ATE1: variants seen among roughly 807,000 people sequenced by gnomAD.
ATE1 encodes the protein arginyltransferase 1.
ATE1 carries 36 observed loss-of-function variants against 70.5 expected under a neutral mutation model. The observed-to-expected ratio is 0.51, with a 90% confidence interval of 0.39 to 0.67. ATE1 has a LOEUF of 0.67. Ranked by LOEUF, ATE1 falls within the 30% of genes least tolerant of loss-of-function variation. ATE1 has a pLI of 0.00. For missense variants in ATE1, 593 were observed against 629.5 expected, an observed-to-expected ratio of 0.94 and a Z score of 0.62; for synonymous variants, 232 against 219.3, an observed-to-expected ratio of 1.06 and a Z score of -0.51.
intron 11 of ATE1, among the ~76,000 whole-genome samples, chr10:121,745,440 GGT>G (rs1186326999): frequency 7.9e-5 from 12 of 152,182 alleles, no homozygotes; most frequent in Admixed American, 2.6e-4. Context: ...CCACAGGCGG[GGT>G]GCAGTGGCTC....
At chr10:121,925,755 G>A (rs1205034489) in intron 1 of ATE1, among the ~76,000 whole-genome samples, 3 of 152,036 alleles carry the variant, frequency 2.0e-5, no homozygotes, top group Non-Finnish European at 1.5e-5. Flanking sequence ...TGTGGCCTGT[G>A]CCTGTGGTCC....
chr10:121,920,931 T>C (rs1590734616), intron 3 of ATE1, among the ~76,000 whole-genome samples: 1 of 151,676 alleles, frequency 6.6e-6, no homozygotes. Flanking sequence ...GAGGCAGAGG[T>C]TGCAGTGAGC....
chr10:121,820,158 T>A (rs908146638), intron 10 of ATE1, among the ~76,000 whole-genome samples: 4 of 150,696 alleles, frequency 2.7e-5, no homozygotes, highest in African/African-American at 7.4e-5. Context: ...TAAACAAAAA[T>A]AAATAAATAA....
intron 3 of ATE1, among the ~76,000 whole-genome samples, chr10:121,921,627 G>A (rs1951884788): frequency 6.6e-6 from 1 of 151,992 alleles, no homozygotes; most frequent in Non-Finnish European, 1.5e-5. Flanking sequence ...AGCTGCCTGG[G>A]CACCATAGTG....
chr10:121,847,709 G>T (rs1309166086), intron 8 of ATE1, among the ~76,000 whole-genome samples: 2 of 128,640 alleles, frequency 1.6e-5, no homozygotes, highest in African/African-American at 5.9e-5. Flanking sequence ...AGTAAGCTGA[G>T]ATCACGCCAC....
chr10:121,800,149 TAAGAATTCTCTTTAAATATTATA>T (rs1183519437), intron 10 of ATE1, among the ~76,000 whole-genome samples: 1 of 152,214 alleles, frequency 6.6e-6, no homozygotes, highest in Non-Finnish European at 1.5e-5. Flanking sequence ...ATGTGACATG[TAAGAATTCTCTTTAAATATTATA>T]CTATTTTTTA....
Position 121,911,060 on chromosome 10 carries a change from G to T in ATE1, c.429C>A (p.Leu143=), listed in dbSNP as rs1951404222. The T allele has an allele frequency of 6.2e-7, 1 of 1,613,214 alleles. No individual in the cohort carries two copies. Among genetic ancestry groups the T allele is most frequent in the Non-Finnish European group, 8.5e-7 (1 of 1,179,892 alleles). ...CTAAACTCTCTTTGATGTCATCACT[G>T]AGTGTTTTAAGATCACACTGTATAT... ...KLDIQCDLKT[L]SDDIKESLES... Residue 143 remains leucine (L), a synonymous_variant, in exon 5 of 12, where the codon CTC becomes CTA. Coordinates refer to ENST00000224652, the MANE Select transcript of ATE1 (RefSeq NM_001001976.3).
chr10:121,858,570 T>A (rs1232848963), intron 8 of ATE1, among the ~76,000 whole-genome samples: 1 of 149,312 alleles, frequency 6.7e-6, no homozygotes, highest in Non-Finnish European at 1.5e-5. Context: ...AGTTTCTAAC[T>A]AGGAACAAAC....
intron 3 of ATE1, among the ~76,000 whole-genome samples, chr10:121,921,492 A>C (rs1005264350): frequency 1.7e-4 from 26 of 151,522 alleles, no homozygotes; most frequent in South Asian, 8.4e-4. Context: ...AAGAAAAAAT[A>C]AATTTTCCTT....
chr10:121,841,287 C>G (rs1204831766), intron 8 of ATE1, 24 bp from the exon 9 acceptor site: 2 of 1,375,338 alleles, frequency 1.5e-6, no homozygotes, highest in Non-Finnish European at 1.9e-6. Context: ...GAGGCACAAA[C>G]AGCCATTTTT....
chr10:121,815,125 A>G (rs369198937), intron 10 of ATE1, among the ~76,000 whole-genome samples: 1 of 152,168 alleles, frequency 6.6e-6, no homozygotes, highest in East Asian at 1.9e-4. Context: ...AGCAAGCATC[A>G]CATCTTGGGA....
chr10:121,887,270 G>A (rs567847747), intron 7 of ATE1, among the ~76,000 whole-genome samples: 7 of 152,146 alleles, frequency 4.6e-5, no homozygotes, highest in Admixed American at 2.6e-4. Context: ...GACTCATCAC[G>A]ACCTTTCCTT....
intron 8 of ATE1, among the ~76,000 whole-genome samples, chr10:121,861,763 AG>A (rs1256369447): frequency 2.0e-5 from 3 of 147,678 alleles, no homozygotes; most frequent in Admixed American, 1.3e-4. Context: ...AAAAAAAAAA[AG>A]AGATATATGG....
rs192805617 is a variant in ATE1 at position 121,776,017 on chromosome 10, A to T, written c.1378+14152T>A. On this transcript the variant is annotated intron_variant, in intron 11 of 11. Coordinates refer to ENST00000224652, the MANE Select transcript of ATE1 (RefSeq NM_001001976.3). Reference sequence around the variant, plus strand: ...TGCTTGTGCACACATAATAGCTGTAATGTGCATATATTAGTTGCAGATGCA... The same window carrying T: ...TGCTTGTGCACACATAATAGCTGTATTGTGCATATATTAGTTGCAGATGCA... Among the ~76,000 whole-genome samples the T allele has an allele frequency of 4.7e-4, 72 of 152,328 alleles. No homozygotes were observed. In the East Asian group the frequency reaches 0.011, roughly 23 times the overall value.
chr10:121,774,421 A>C (rs1257997297), intron 11 of ATE1, among the ~76,000 whole-genome samples: 1 of 152,142 alleles, frequency 6.6e-6, no homozygotes, highest in Non-Finnish European at 1.5e-5. Context: ...ATTAACCTAG[A>C]AAAAAATTTT....
At chr10:121,877,884 T>C (rs1396163070) in intron 7 of ATE1, among the ~76,000 whole-genome samples, 2 of 152,192 alleles carry the variant, frequency 1.3e-5, no homozygotes, top group Non-Finnish European at 2.9e-5. Flanking sequence ...AACTCCCAGG[T>C]ATATATCTAA....
intron 1 of ATE1, chr10:121,926,803 T>A: frequency 1.0e-6 from 1 of 985,460 alleles, no homozygotes; most frequent in Non-Finnish European, 1.2e-6. Flanking sequence ...CATAAGCCAT[T>A]TGCATCCTGT....
In ATE1 at chr10:121,911,151, T is replaced by A; in HGVS notation, c.338A>T (p.Asp113Val). ...ATCCATTGTGGAATCCATGGGCTCATCTACAAATCAGAAGAAATTAAAAAT... is the reference window on the plus strand; with the variant it reads ...ATCCATTGTGGAATCCATGGGCTCAACTACAAATCAGAAGAAATTAAAAAT... ...KGEVPKGSCE[D>V]EPMDSTMDDA... is the part of the protein sequence containing the mutation. The change falls in exon 5 of 12, where the codon GAT becomes GTT. Residue 113 changes from aspartate to valine, a missense_variant and splice_region_variant. Asp to Val is a radical substitution (Grantham distance 152). Transcript: ENST00000224652. The A allele has an allele frequency of 6.2e-7, 1 of 1,602,950 alleles. No individual in the cohort carries two copies. Among genetic ancestry groups the A allele is most frequent in the South Asian group, 1.1e-5 (1 of 87,954 alleles).
chr10:121,744,549 T>C (rs1944271332), intron 11 of ATE1, among the ~76,000 whole-genome samples: 1 of 152,202 alleles, frequency 6.6e-6, no homozygotes, highest in Admixed American at 6.5e-5. Flanking sequence ...TGTACCAACA[T>C]ATTATCTGAA....
Sources: gnomAD v4.1 joint callset for allele counts (sites outside exome capture counted in the v4.1 genomes callset) on GRCh38, gnomAD v4.1.1 for gene constraint, MANE v1.5 for transcripts, NCBI Gene and HGNC (gene_info 2026-07-23, HGNC 2026-07-21) for gene names.